Variants in UBE2K observed in about 807,000 individuals in gnomAD.
UBE2K encodes ubiquitin-conjugating enzyme E2 K.
A neutral mutation model predicts 30.0 loss-of-function variants in UBE2K; 6 were observed. That is an observed-to-expected ratio of 0.20 (90% CI 0.11 to 0.39). The LOEUF (loss-of-function observed/expected upper bound fraction) is 0.39, where lower values mean the gene tolerates loss of function less well. Ranked by LOEUF, UBE2K falls within the 10% of genes least tolerant of loss-of-function variation. The pLI is 1.00. For missense variants in UBE2K, 61 were observed against 241.6 expected (o/e 0.25, Z 4.96); for synonymous variants, 86 against 83.7 (o/e 1.03, Z -0.15).
intron 1 of UBE2K, among the ~76,000 whole-genome samples, chr4:39,712,022 G>T: frequency 6.6e-6 from 1 of 150,650 alleles, no homozygotes; most frequent in Non-Finnish European, 1.5e-5. Context: ...TCCTGGGCAA[G>T]AGAGGGAGAC....
intron 4 of UBE2K, among the ~76,000 whole-genome samples, chr4:39,756,237 C>T (rs1464351860): frequency 6.6e-6 from 1 of 152,164 alleles, no homozygotes; most frequent in African/African-American, 2.4e-5. Context: ...ATTTGCTCTG[C>T]ACAGCATTAA....
intron 6 of UBE2K, 129 bp from the exon 7 acceptor site, chr4:39,778,231 C>T (rs1560384408): frequency 2.2e-6 from 1 of 452,726 alleles, no homozygotes; most frequent in Non-Finnish European, 3.8e-6. Context: ...GCTTTCCATG[C>T]ACTGCAAATG....
chr4:39,722,741 C>T (rs1719494925), intron 1 of UBE2K, among the ~76,000 whole-genome samples: 1 of 151,770 alleles, frequency 6.6e-6, no homozygotes, highest in African/African-American at 2.4e-5. Flanking sequence ...TTTTTTTCCT[C>T]ATAAATGTTA....
At chr4:39,738,992 G>A (rs905647145) in intron 2 of UBE2K, among the ~76,000 whole-genome samples, 1 of 149,950 alleles carries the variant, frequency 6.7e-6, no homozygotes, top group Non-Finnish European at 1.5e-5. Flanking sequence ...AAATACTTTC[G>A]AGTGGTTCTA....
At chr4:39,775,879 G>A (rs528568553) in intron 5 of UBE2K, among the ~76,000 whole-genome samples, 2 of 151,686 alleles carry the variant, frequency 1.3e-5, no homozygotes, top group East Asian at 3.9e-4. Flanking sequence ...TCACTTCATA[G>A]CTGTTCTTTG....
At chr4:39,699,415 A>G (rs2109296645) in intron 1 of UBE2K, among the ~76,000 whole-genome samples, 1 of 152,304 alleles carries the variant, frequency 6.6e-6, no homozygotes, top group South Asian at 2.1e-4. Flanking sequence ...GATTTTCAAA[A>G]AAGTTGCCTC....
chr4:39,740,763 T>A (rs1170702107), intron 2 of UBE2K, among the ~76,000 whole-genome samples: 1 of 143,696 alleles, frequency 7.0e-6, no homozygotes, highest in African/African-American at 2.6e-5. Flanking sequence ...CTTGGGAGGC[T>A]GAGGCAGGAG....
chr4:39,743,010 C>T (rs915055400), intron 2 of UBE2K, among the ~76,000 whole-genome samples: 4 of 151,358 alleles, frequency 2.6e-5, no homozygotes. Context: ...TGTGCCTCTG[C>T]ACTCCAGCCT....
intron 1 of UBE2K, among the ~76,000 whole-genome samples, chr4:39,723,381 T>C (rs1445616949): frequency 2.5e-4 from 37 of 148,084 alleles, no homozygotes; most frequent in African/African-American, 8.8e-4. Flanking sequence ...TTTTTTTTTT[T>C]TCCTTCAGAC....
chr4:39,770,510 C>T (rs1712718774), intron 4 of UBE2K: 7 of 1,608,588 alleles, frequency 4.4e-6, no homozygotes, highest in Non-Finnish European at 4.2e-6. Context: ...GCAGGGGTCC[C>T]TGGCTGCCCC....
At chr4:39,771,253 A>G in intron 4 of UBE2K, 1 of 1,611,948 alleles carries the variant, frequency 6.2e-7, no homozygotes, top group Non-Finnish European at 8.5e-7. Context: ...GTTAAGCAGG[A>G]ACTGGTCCCG....
intron 4 of UBE2K, among the ~76,000 whole-genome samples, chr4:39,759,194 G>C (rs920260225): frequency 6.6e-6 from 1 of 152,076 alleles, no homozygotes; most frequent in Non-Finnish European, 1.5e-5. Flanking sequence ...AAAATAATTG[G>C]TTAATCTTGG....
Position 39,782,268 on chromosome 4 carries a change from G to C in UBE2K, c.*3834G>C, listed in dbSNP as rs1006816216. 2 of 309,228 alleles carry C rather than the reference G, an allele frequency of 6.5e-6. No individual in the cohort carries two copies. The highest frequency in any genetic ancestry group is 4.3e-5 in the African/African-American group (2 of 46,706). 19.2% of individuals were successfully genotyped at this position (309,228 alleles called of 1,614,324 possible). On this transcript the variant is annotated 3_prime_UTR_variant, in exon 7 of 7. Coordinates refer to ENST00000261427, the MANE Select transcript of UBE2K (RefSeq NM_005339.5). ...GAAATCATTACACTGTGCTGTTAAC[G>C]ATCCTTGTCTGCTTGCTGTTACCTA...
At chr4:39,720,568 G>T (rs1259703696) in intron 1 of UBE2K, among the ~76,000 whole-genome samples, 1 of 152,140 alleles carries the variant, frequency 6.6e-6, no homozygotes, top group East Asian at 1.9e-4. Flanking sequence ...TAAGTAAGGG[G>T]ACCTATGGAA....
chr4:39,734,962 A>AT (rs1252731374), intron 1 of UBE2K, among the ~76,000 whole-genome samples: 4 of 152,224 alleles, frequency 2.6e-5, no homozygotes, highest in Non-Finnish European at 4.4e-5. Flanking sequence ...AAAAAACTTT[A>AT]ATCAGATCCT....
At chr4:39,760,169 T>A (rs1455285971) in intron 4 of UBE2K, among the ~76,000 whole-genome samples, 1 of 69,532 alleles carries the variant, frequency 1.4e-5, no homozygotes, top group African/African-American at 1.4e-4. Flanking sequence ...AGAGCGAGAC[T>A]CTGTCACAAA....
intron 1 of UBE2K, among the ~76,000 whole-genome samples, chr4:39,724,704 A>C (rs890284404): frequency 1.3e-5 from 2 of 151,448 alleles, no homozygotes; most frequent in Non-Finnish European, 2.9e-5. Flanking sequence ...CCGGAGGCAA[A>C]AGTTGCAATG....
chr4:39,760,842 G>C (rs1246749567), intron 4 of UBE2K, among the ~76,000 whole-genome samples: 1 of 152,166 alleles, frequency 6.6e-6, no homozygotes, highest in Non-Finnish European at 1.5e-5. Context: ...GGGTGGGCAG[G>C]AGTTGTGAGT....
intron 5 of UBE2K, among the ~76,000 whole-genome samples, 195 bp downstream of exon 5, chr4:39,775,128 G>T (rs907964755): frequency 3.9e-5 from 6 of 152,230 alleles, no homozygotes; most frequent in Non-Finnish European, 5.9e-5. Context: ...ATTGGATATA[G>T]ATGCTGTTTT....
Sources: allele counts gnomAD v4.1 joint callset (sites outside exome capture counted in the v4.1 genomes callset), GRCh38; gene constraint gnomAD v4.1.1; transcripts MANE v1.5; gene names NCBI Gene and HGNC (gene_info 2026-07-23, HGNC 2026-07-21).